Variants in FBXL17 observed in about 807,000 individuals in gnomAD.
FBXL17 encodes F-box and leucine rich repeat protein 17, also known as F-box/LRR-repeat protein 17.
In FBXL17, 22 loss-of-function variants were observed where a neutral mutation model predicts 66.2. The observed-to-expected ratio is 0.33, with a 90% CI of 0.24 to 0.47. The LOEUF is 0.47. FBXL17 is among the 20% of genes least tolerant of loss of function. FBXL17 has a pLI of 1.00. For missense variants in FBXL17, 878 were observed against 948.2 expected (o/e 0.93, Z 0.97); for synonymous variants, 474 against 400.5 (o/e 1.18, Z -2.19).
At chr5:107,880,096 G>A (rs1480062509) in intron 8 of FBXL17, 3 of 225,978 alleles carry the variant, frequency 1.3e-5, no homozygotes, top group Non-Finnish European at 2.2e-5. Flanking sequence ...GGACACAGTC[G>A]TGCTCCGTCA....
chr5:108,346,414 A>G (rs1347694324), intron 4 of FBXL17, among the ~76,000 whole-genome samples: 1 of 152,140 alleles, frequency 6.6e-6, no homozygotes, highest in Non-Finnish European at 1.5e-5. Context: ...AAAAAAACTA[A>G]TGTGAACATA....
At chr5:108,072,415 AG>A (rs1327996939) in intron 6 of FBXL17, among the ~76,000 whole-genome samples, 1 of 152,248 alleles carries the variant, frequency 6.6e-6, no homozygotes, top group African/African-American at 2.4e-5. Context: ...AACGTTCCTT[AG>A]AAAGTACAGA....
intron 3 of FBXL17, among the ~76,000 whole-genome samples, chr5:108,354,967 C>CA: frequency 1.3e-5 from 2 of 151,896 alleles, no homozygotes; most frequent in Middle Eastern, 3.4e-3. Flanking sequence ...CTTTGTCTAA[C>CA]AAAAAATGAG....
At chr5:108,265,226 T>G (rs752044329) in intron 4 of FBXL17, among the ~76,000 whole-genome samples, 1 of 152,154 alleles carries the variant, frequency 6.6e-6, no homozygotes, top group Non-Finnish European at 1.5e-5. Context: ...AAATACTTTA[T>G]CAGTCATTCT....
chr5:108,016,739 C>G (rs949877602), intron 7 of FBXL17, among the ~76,000 whole-genome samples: 1 of 151,934 alleles, frequency 6.6e-6, no homozygotes, highest in South Asian at 2.1e-4. Flanking sequence ...CAAGGACACA[C>G]TTTCCTGAAG....
At chr5:108,228,723 A>G (rs897099664) in intron 4 of FBXL17, among the ~76,000 whole-genome samples, 3 of 152,206 alleles carry the variant, frequency 2.0e-5, no homozygotes, top group African/African-American at 7.2e-5. Context: ...GAGTGTATTT[A>G]AAGCATTATA....
At chr5:108,049,396 TG>T (rs1196879910) in intron 6 of FBXL17, among the ~76,000 whole-genome samples, 1 of 152,112 alleles carries the variant, frequency 6.6e-6, no homozygotes, top group Non-Finnish European at 1.5e-5. Flanking sequence ...CCCAAAGTGC[TG>T]GGATCACAGG....
chr5:108,210,078 G>T (rs1754300645), intron 5 of FBXL17, among the ~76,000 whole-genome samples: 3 of 152,236 alleles, frequency 2.0e-5, no homozygotes, highest in South Asian at 2.1e-4. Flanking sequence ...ATTTCTTCCA[G>T]ATTTTCTAGT....
intron 4 of FBXL17, among the ~76,000 whole-genome samples, chr5:108,238,377 A>G (rs1005188171): frequency 3.9e-5 from 6 of 152,282 alleles, no homozygotes; most frequent in African/African-American, 1.4e-4. Flanking sequence ...ATATACAATG[A>G]TTAAGAAAGA....
chr5:107,915,224 C>G (rs1750085247), intron 7 of FBXL17, among the ~76,000 whole-genome samples: 1 of 152,110 alleles, frequency 6.6e-6, no homozygotes, highest in South Asian at 2.1e-4. Context: ...GAGTCTCAAC[C>G]ATTACAAGCT....
Position 108,023,698 on chromosome 5 carries a change from T to C in FBXL17, c.1746-2697A>G, listed in dbSNP as rs898035298. On this transcript the variant is annotated intron_variant, in intron 6 of 8. Coordinates refer to ENST00000542267, the MANE Select transcript of FBXL17 (RefSeq NM_001163315.3). ...TAATTCCACTGTTTCACAAAGAATCTTGGCTCTAGTCATAACCTTTGGTGT... is the reference window on the plus strand; with the variant it reads ...TAATTCCACTGTTTCACAAAGAATCCTGGCTCTAGTCATAACCTTTGGTGT... Among the ~76,000 whole-genome samples the C allele has an allele frequency of 3.9e-5, 6 of 152,208 alleles. No individual in the cohort carries two copies. In the East Asian group the frequency reaches 1.2e-3, roughly 29 times the overall value.
At chr5:108,224,571 ATGGT>A (rs1465402163) in intron 4 of FBXL17, among the ~76,000 whole-genome samples, 3 of 151,352 alleles carry the variant, frequency 2.0e-5, no homozygotes, top group Non-Finnish European at 4.4e-5. Context: ...ACACACATAT[ATGGT>A]TGGTTTGTTT....
chr5:108,131,843 T>A (rs756694902), intron 6 of FBXL17, among the ~76,000 whole-genome samples: 1 of 152,230 alleles, frequency 6.6e-6, no homozygotes, highest in Non-Finnish European at 1.5e-5. Context: ...TTTATTTGTA[T>A]AAAATCATTT....
intron 4 of FBXL17, among the ~76,000 whole-genome samples, chr5:108,267,408 T>C (rs17161195): frequency 0.013 from 1,962 of 152,154 alleles, 35 homozygotes; most frequent in African/African-American, 0.043. Flanking sequence ...TTAACAAATT[T>C]AGGTGGTCTG....
At chr5:107,975,684 T>C (rs1752550126) in intron 7 of FBXL17, among the ~76,000 whole-genome samples, 2 of 152,110 alleles carry the variant, frequency 1.3e-5, no homozygotes, top group African/African-American at 4.8e-5. Context: ...TAGCATAATT[T>C]GACTTATTAA....
chr5:108,380,640 G>C, intron 1 of FBXL17, 59 bp downstream of exon 1: 1 of 1,076,480 alleles, frequency 9.3e-7, no homozygotes, highest in Non-Finnish European at 1.2e-6. Flanking sequence ...GAAAGCCTCG[G>C]AGGCGGGGGC....
At chr5:108,008,560 T>C (rs1321970908) in intron 7 of FBXL17, among the ~76,000 whole-genome samples, 1 of 152,220 alleles carries the variant, frequency 6.6e-6, no homozygotes, top group African/African-American at 2.4e-5. Flanking sequence ...TTGATGCACA[T>C]ATATAGGTAT....
At chr5:108,338,360 G>A (rs562650439) in intron 4 of FBXL17, among the ~76,000 whole-genome samples, 25 of 151,856 alleles carry the variant, frequency 1.6e-4, no homozygotes, top group East Asian at 3.9e-4. Context: ...AGAAGGACTC[G>A]GATTTACAAC....
chr5:107,903,146 T>TGCTGTTTTTATAGTCCA (rs1749631819), intron 7 of FBXL17, among the ~76,000 whole-genome samples: 1 of 152,186 alleles, frequency 6.6e-6, no homozygotes, highest in African/African-American at 2.4e-5. Context: ...TTCGGCAACA[T>TGCTGTTTTTATAGTCCA]AACTCTGGAA....
Sources: allele counts gnomAD v4.1 joint callset (sites outside exome capture counted in the v4.1 genomes callset), GRCh38; gene constraint gnomAD v4.1.1; transcripts MANE v1.5; gene names NCBI Gene and HGNC (gene_info 2026-07-23, HGNC 2026-07-21).